Variants in CSMD1 observed in about 807,000 individuals in gnomAD.
CSMD1 encodes the protein CUB and sushi domain-containing protein 1.
CSMD1 carries 213 observed loss-of-function variants against 417.5 expected under a neutral mutation model. The observed-to-expected ratio is 0.51, with a 90% CI of 0.46 to 0.57. The LOEUF (loss-of-function observed/expected upper bound fraction) is 0.57, where lower values mean the gene tolerates loss of function less well. Among genes scored for constraint, CSMD1 ranks in the 20% least tolerant of loss-of-function variants. The pLI is 0.00. For missense variants in CSMD1, 6,923 were observed against 4,529.7 expected, an observed-to-expected ratio of 1.53 and a Z score of -15.17; for synonymous variants, 2,862 against 1,736.8, an observed-to-expected ratio of 1.65 and a Z score of -16.11.
intron 2 of CSMD1, among the ~76,000 whole-genome samples, chr8:4,550,069 A>G (rs1473708065): frequency 6.6e-6 from 1 of 151,778 alleles, no homozygotes; most frequent in Non-Finnish European, 1.5e-5. Context: ...GAATTGGAAC[A>G]CCCCCATGTT....
At chr8:3,487,481 A>C (rs188236393) in intron 11 of CSMD1, among the ~76,000 whole-genome samples, 4 of 152,196 alleles carry the variant, frequency 2.6e-5, no homozygotes, top group Non-Finnish European at 5.9e-5. Flanking sequence ...GATTACAGGC[A>C]TGAGCCACCA....
intron 7 of CSMD1, among the ~76,000 whole-genome samples, chr8:3,697,733 T>C (rs1388928067): frequency 6.6e-6 from 1 of 152,232 alleles, no homozygotes; most frequent in African/African-American, 2.4e-5. Context: ...GTTATTTTCT[T>C]ATATAAAATT....
rs76744686 is a variant in CSMD1, at chr8:4,368,961, G to C, written c.415+50992C>G. On this transcript the variant is annotated intron_variant, in intron 3 of 69. Transcript: ENST00000635120. ...TAGCAGTTCAATTTCATTCAGTTCAGCTCTGATTTTGGTTATTTTCTGCTA... is the reference window on the plus strand; with the variant it reads ...TAGCAGTTCAATTTCATTCAGTTCACCTCTGATTTTGGTTATTTTCTGCTA... Among the ~76,000 whole-genome samples the C allele has an allele frequency of 3.3e-3, 498 of 152,054 alleles. 25 individuals are homozygous for C. In the East Asian group the frequency reaches 0.083, roughly 25 times the overall value.
At chr8:3,632,300 C>G (rs1796822767) in intron 7 of CSMD1, among the ~76,000 whole-genome samples, 1 of 152,090 alleles carries the variant, frequency 6.6e-6, no homozygotes, top group Non-Finnish European at 1.5e-5. Context: ...ATTCTTCCAT[C>G]TCATAGGTAA....
rs79235630 is a variant in CSMD1, at chr8:3,705,703, T to C, written c.1009+2711A>G. ...GTCATATCCGCAACAAAACCCTTAG[T>C]TGGGGAAAGGATTATATCACTTCTG... On this transcript the variant is annotated intron_variant, in intron 7 of 69. Coordinates refer to ENST00000635120, the MANE Select transcript of CSMD1 (RefSeq NM_033225.6). Among the ~76,000 whole-genome samples, 500 of 152,254 alleles carry C rather than the reference T, an allele frequency of 3.3e-3. 2 individuals carry two copies. The highest frequency in any genetic ancestry group is 5.7e-3 in the Non-Finnish European group (387 of 68,020).
At chr8:3,159,081 T>C (rs1356400140) in intron 38 of CSMD1, among the ~76,000 whole-genome samples, 6 of 152,328 alleles carry the variant, frequency 3.9e-5, no homozygotes, top group Admixed American at 6.5e-5. Context: ...AATTTTGTGC[T>C]GCCGGCATTG....
intron 26 of CSMD1, among the ~76,000 whole-genome samples, chr8:3,242,540 T>C (rs1799606670): frequency 6.6e-6 from 1 of 152,052 alleles, no homozygotes; most frequent in African/African-American, 2.4e-5. Flanking sequence ...AAAGTGCCAT[T>C]TTCTGACTAT....
chr8:4,784,443 C>A (rs1218202580), intron 1 of CSMD1, among the ~76,000 whole-genome samples: 1 of 152,132 alleles, frequency 6.6e-6, no homozygotes, highest in African/African-American at 2.4e-5. Context: ...AATTTTGAAC[C>A]CGTGATTAAA....
intron 47 of CSMD1, among the ~76,000 whole-genome samples, chr8:3,093,454 G>A (rs1035804857): frequency 4.6e-5 from 7 of 152,212 alleles, no homozygotes; most frequent in South Asian, 2.1e-4. Context: ...ATCGCCTGAG[G>A]TCAGAAGTTT....
intron 3 of CSMD1, among the ~76,000 whole-genome samples, chr8:4,340,207 C>T (rs1249176603): frequency 6.6e-6 from 1 of 151,956 alleles, no homozygotes; most frequent in Non-Finnish European, 1.5e-5. Flanking sequence ...ACACCTTCGC[C>T]AAGAAGAGCT....
chr8:3,262,204 T>A (rs1293263709), intron 26 of CSMD1, among the ~76,000 whole-genome samples: 7 of 90,584 alleles, frequency 7.7e-5, no homozygotes, highest in African/African-American at 2.6e-4. Context: ...TATATATATA[T>A]ATATATATAT....
intron 3 of CSMD1, among the ~76,000 whole-genome samples, chr8:4,105,771 G>C (rs1171997590): frequency 6.6e-6 from 1 of 152,218 alleles, no homozygotes; most frequent in Non-Finnish European, 1.5e-5. Context: ...TCTCACTGAA[G>C]AGGCTCCTCT....
intron 26 of CSMD1, among the ~76,000 whole-genome samples, chr8:3,267,634 C>T (rs1336592816): frequency 6.6e-6 from 1 of 152,116 alleles, no homozygotes; most frequent in African/African-American, 2.4e-5. Flanking sequence ...TGTGTCCCGG[C>T]AAAAGCAAAG....
rs79792698 is a variant in CSMD1 at position 3,520,964 on chromosome 8, G to A, written c.1345-27238C>T. ...CCTCCTTTGCTCCCCTTTGTGCTCC[G>A]TGGAAAACCATGTGCCCATCAAAGT... On this transcript the variant is annotated intron_variant, in intron 10 of 69. Coordinates refer to ENST00000635120, the MANE Select transcript of CSMD1 (RefSeq NM_033225.6). Among the ~76,000 whole-genome samples, 1,102 of 152,040 alleles carry A rather than the reference G, an allele frequency of 7.2e-3. 12 individuals carry two copies. Among genetic ancestry groups the A allele is most frequent in the African/African-American group, 0.025 (1,023 of 41,462 alleles).
intron 6 of CSMD1, among the ~76,000 whole-genome samples, chr8:3,711,585 T>G (rs1585116145): frequency 6.6e-6 from 1 of 152,142 alleles, no homozygotes; most frequent in Admixed American, 6.5e-5. Flanking sequence ...CATGTGTGTG[T>G]TTTCTCATCC....
At chr8:4,296,938 C>T (rs554345035) in intron 3 of CSMD1, among the ~76,000 whole-genome samples, 131 of 151,928 alleles carry the variant, frequency 8.6e-4, no homozygotes, top group African/African-American at 3.1e-3. Context: ...GACAATGGTA[C>T]ACAAATGTGA....
chr8:3,667,191 G>A (rs1316819301), intron 7 of CSMD1, among the ~76,000 whole-genome samples: 1 of 151,990 alleles, frequency 6.6e-6, no homozygotes, highest in South Asian at 2.1e-4. Context: ...AGACAAATGT[G>A]CAAACATTTA....
rs767301992 is a variant in CSMD1 at position 3,138,492 on chromosome 8, GA to G, written c.6241+3972del. Among the ~76,000 whole-genome samples the G allele has an allele frequency of 2.0e-5, 3 of 152,314 alleles. 1 individual carries two copies. The highest frequency in any genetic ancestry group is 4.1e-4 in the South Asian group (2 of 4,826). ...CTGAGTCCAGAAGTAGAGAGAATGGGAGAGATTTGGTGGGAATGCTCGTGAC... is the reference window on the plus strand; with the variant it reads ...CTGAGTCCAGAAGTAGAGAGAATGGGGAGATTTGGTGGGAATGCTCGTGAC... On this transcript the variant is annotated intron_variant, in intron 41 of 69. Coordinates refer to ENST00000635120, the MANE Select transcript of CSMD1 (RefSeq NM_033225.6).
intron 3 of CSMD1, among the ~76,000 whole-genome samples, chr8:4,084,579 T>C (rs561633420): frequency 7.9e-5 from 12 of 152,304 alleles, no homozygotes; most frequent in African/African-American, 2.9e-4. Context: ...GATTCCTTAA[T>C]CAACCTTGTT....
Sources: gnomAD v4.1 joint callset for allele counts (sites outside exome capture counted in the v4.1 genomes callset) on GRCh38, gnomAD v4.1.1 for gene constraint, MANE v1.5 for transcripts, NCBI Gene and HGNC (gene_info 2026-07-23, HGNC 2026-07-21) for gene names.